The following TRPM3 variants were observed in gnomAD, a reference collection of about 807,000 sequenced individuals.
TRPM3 encodes the protein long transient receptor potential channel 3.
TRPM3 carries 77 observed loss-of-function variants against 181.2 expected under a neutral mutation model. The ratio of observed to expected loss-of-function variants is 0.42; its 90% CI spans 0.35 to 0.51. The LOEUF (loss-of-function observed/expected upper bound fraction) is 0.51, where lower values mean the gene tolerates loss of function less well. Ranked by LOEUF, TRPM3 falls within the 20% of genes least tolerant of loss-of-function variation. The probability of loss-of-function intolerance (pLI) is 0.01; values close to 1 mark genes in which losing one functional copy is unlikely to be tolerated. For synonymous variants in TRPM3, 745 were observed against 796.4 expected, an observed-to-expected ratio of 0.94 and a Z score of 1.09; for missense variants, 1,759 against 2,196.7, an observed-to-expected ratio of 0.80 and a Z score of 3.98.
intron 1 of TRPM3, among the ~76,000 whole-genome samples, chr9:71,015,610 G>A (rs899277780): frequency 6.6e-6 from 1 of 152,124 alleles, no homozygotes; most frequent in Non-Finnish European, 1.5e-5. Context: ...ATTCTGTTTT[G>A]ATGACATTTA....
At chr9:71,374,955 A>G (rs189543414) in intron 1 of TRPM3, among the ~76,000 whole-genome samples, 29 of 152,342 alleles carry the variant, frequency 1.9e-4, no homozygotes, top group African/African-American at 7.0e-4. Flanking sequence ...ACAAAAACAA[A>G]TGGAAAAACA....
At chr9:70,892,383 T>C (rs1446233641) in intron 1 of TRPM3, among the ~76,000 whole-genome samples, 2 of 152,154 alleles carry the variant, frequency 1.3e-5, no homozygotes, top group Non-Finnish European at 2.9e-5. Flanking sequence ...AGATCAGCAC[T>C]TCTTTGCCTT....
chr9:70,810,899 G>T (rs992122357), intron 6 of TRPM3, among the ~76,000 whole-genome samples: 50 of 152,106 alleles, frequency 3.3e-4, no homozygotes, highest in African/African-American at 1.2e-3. Context: ...ATATGAAAAT[G>T]CCTAGCATGG....
At chr9:70,672,239 G>T (rs1236096048) in intron 9 of TRPM3, among the ~76,000 whole-genome samples, 1 of 152,120 alleles carries the variant, frequency 6.6e-6, no homozygotes, top group African/African-American at 2.4e-5. Context: ...GATGAATTCA[G>T]GGATGGGCAT....
At chr9:71,212,768 C>T (rs1479171018) in intron 1 of TRPM3, among the ~76,000 whole-genome samples, 1 of 152,186 alleles carries the variant, frequency 6.6e-6, no homozygotes, top group Non-Finnish European at 1.5e-5. Flanking sequence ...GAAAGTAAAA[C>T]TCTATTTTAA....
At chr9:70,967,239 T>C (rs1185374049) in intron 1 of TRPM3, among the ~76,000 whole-genome samples, 1 of 152,026 alleles carries the variant, frequency 6.6e-6, no homozygotes, top group East Asian at 1.9e-4. Context: ...TCCCAGTTCC[T>C]TGGGGACAGT....
chr9:71,324,153 A>AATC (rs2089472093), intron 1 of TRPM3, among the ~76,000 whole-genome samples: 1 of 152,126 alleles, frequency 6.6e-6, no homozygotes. Flanking sequence ...ATCAATCTAT[A>AATC]GATAGATTAG....
intron 1 of TRPM3, among the ~76,000 whole-genome samples, chr9:70,876,314 CATAT>C (rs35293338): frequency 6.7e-6 from 1 of 148,156 alleles, no homozygotes; most frequent in East Asian, 2.0e-4. Context: ...CATATATAGA[CATAT>C]ATATATATAA....
At chr9:71,372,189 T>TTA (rs978752933) in intron 1 of TRPM3, among the ~76,000 whole-genome samples, 10 of 152,190 alleles carry the variant, frequency 6.6e-5, no homozygotes, top group African/African-American at 2.4e-4. Flanking sequence ...CAGTACTCCA[T>TTA]TATATATATG....
At chr9:70,829,689 G>T (rs1011806762) in intron 5 of TRPM3, among the ~76,000 whole-genome samples, 8 of 152,112 alleles carry the variant, frequency 5.3e-5, no homozygotes, top group African/African-American at 2.4e-5. Flanking sequence ...ATTGATAAAA[G>T]AAGTCTATAA....
chr9:71,103,917 T>TC (rs984266161), intron 1 of TRPM3, among the ~76,000 whole-genome samples: 6 of 148,916 alleles, frequency 4.0e-5, no homozygotes, highest in African/African-American at 1.2e-4. Flanking sequence ...CATGCAGCAA[T>TC]CCTTTTTTTT....
chr9:71,445,965 AG>A (rs1382639020), intron 1 of TRPM3, among the ~76,000 whole-genome samples: 1 of 152,206 alleles, frequency 6.6e-6, no homozygotes, highest in Non-Finnish European at 1.5e-5. Flanking sequence ...ATGCAGCTAA[AG>A]TTTTTTATCA....
intron 1 of TRPM3, among the ~76,000 whole-genome samples, chr9:71,115,904 G>C (rs1446679562): frequency 6.6e-6 from 1 of 152,208 alleles, no homozygotes; most frequent in Admixed American, 6.5e-5. Flanking sequence ...CTGTTCAGCA[G>C]CCTGAGTCGA....
intron 1 of TRPM3, among the ~76,000 whole-genome samples, chr9:71,055,857 A>G (rs749782144): frequency 6.6e-6 from 1 of 151,904 alleles, no homozygotes; most frequent in Non-Finnish European, 1.5e-5. Flanking sequence ...TAAGGGGACC[A>G]CCCCTTTCTC....
chr9:70,739,752 G>T (rs1341214265), intron 8 of TRPM3, among the ~76,000 whole-genome samples: 38 of 151,952 alleles, frequency 2.5e-4, no homozygotes, highest in Admixed American at 2.5e-3. Context: ...TGATTAGGTG[G>T]GATTAGAGGC....
chr9:71,426,739 G>A (rs570105036), intron 1 of TRPM3, among the ~76,000 whole-genome samples: 5 of 151,678 alleles, frequency 3.3e-5, no homozygotes, highest in Non-Finnish European at 7.4e-5. Context: ...CTATTAGCTC[G>A]GCATCTCAGA....
At chr9:71,401,197 C>CGAAAA (rs755833833) in intron 1 of TRPM3, among the ~76,000 whole-genome samples, 1 of 105,822 alleles carries the variant, frequency 9.4e-6, no homozygotes, top group Non-Finnish European at 1.8e-5. Flanking sequence ...GACACCATCG[C>CGAAAA]AAAAAAAAAA....
intron 9 of TRPM3, among the ~76,000 whole-genome samples, chr9:70,674,178 G>A (rs879285589): frequency 2.0e-5 from 3 of 152,134 alleles, no homozygotes; most frequent in Non-Finnish European, 4.4e-5. Flanking sequence ...TATTATCAAA[G>A]TTAGGCCATA....
At chr9:70,923,422 C>G (rs1404964830) in intron 1 of TRPM3, among the ~76,000 whole-genome samples, 2 of 151,930 alleles carry the variant, frequency 1.3e-5, no homozygotes, top group African/African-American at 2.4e-5. Flanking sequence ...TGTAGCCTCT[C>G]CCATGGGGGT....
Sources: gnomAD v4.1 joint callset for allele counts (sites outside exome capture counted in the v4.1 genomes callset) on GRCh38, gnomAD v4.1.1 for gene constraint, MANE v1.5 for transcripts, NCBI Gene and HGNC (gene_info 2026-07-23, HGNC 2026-07-21) for gene names.